Variants in RBFOX1 observed in about 807,000 individuals in gnomAD.
RBFOX1 encodes the protein RNA binding fox-1 homolog 1.
RBFOX1 carries 8 observed loss-of-function variants against 57.7 expected under a neutral mutation model. The observed-to-expected ratio is 0.14, with a 90% CI of 0.08 to 0.25. The LOEUF is 0.25. Ranked by LOEUF, RBFOX1 falls within the 10% of genes least tolerant of loss-of-function variation. The probability of loss-of-function intolerance (pLI) is 1.00; values close to 1 mark genes in which losing one functional copy is unlikely to be tolerated. For missense variants in RBFOX1, 611 were observed against 548.5 expected, an observed-to-expected ratio of 1.11 and a Z score of -1.14; for synonymous variants, 326 against 222.4, an observed-to-expected ratio of 1.47 and a Z score of -4.15.
chr16:5,431,311 A>G (rs2067726315), intron 1 of RBFOX1, among the ~76,000 whole-genome samples: 1 of 152,244 alleles, frequency 6.6e-6, no homozygotes, highest in Non-Finnish European at 1.5e-5. Flanking sequence ...AACCGTGCAG[A>G]AATACTTGGT....
chr16:6,609,574 A>T (rs1810798927), intron 2 of RBFOX1, among the ~76,000 whole-genome samples: 1 of 151,988 alleles, frequency 6.6e-6, no homozygotes, highest in Non-Finnish European at 1.5e-5. Flanking sequence ...ATTTTTCTAA[A>T]ATCAAGGCAT....
chr16:7,367,934 C>T (rs1410300333), intron 4 of RBFOX1, among the ~76,000 whole-genome samples: 1 of 151,350 alleles, frequency 6.6e-6, no homozygotes, highest in South Asian at 2.1e-4. Flanking sequence ...CATGATCAAA[C>T]ACATCATTAG....
At chr16:5,515,610 C>A (rs72761062) in intron 2 of RBFOX1, among the ~76,000 whole-genome samples, 3,845 of 152,238 alleles carry the variant, frequency 0.025, 71 homozygotes, top group South Asian at 0.057. Flanking sequence ...AATCCTTATG[C>A]CTGATCAATT....
intron 3 of RBFOX1, among the ~76,000 whole-genome samples, chr16:6,817,574 C>A (rs906348870): frequency 6.7e-6 from 1 of 149,848 alleles, no homozygotes; most frequent in Non-Finnish European, 1.5e-5. Context: ...GATTTGGTGG[C>A]GCATGCGTGT....
At position 6,397,610 on chromosome 16, in the gene RBFOX1, G is replaced by A. The variant is rs146643430; in HGVS notation, c.-64+80553G>A. On this transcript the variant is annotated intron_variant, in intron 2 of 15. Transcript: ENST00000550418. ...ACTTAAAGAGATGAATGAAGAGCAG[G>A]GAACATGGTAAATATGTGGATAATA... 1.3e-5 allele frequency among the ~76,000 whole-genome samples: 2 copies of A among 152,276 alleles called. 1 individual carries two copies. Among genetic ancestry groups the A allele is most frequent in the African/African-American group, 4.8e-5 (2 of 41,566 alleles).
chr16:7,549,757 G>A (rs1888478906), intron 5 of RBFOX1, among the ~76,000 whole-genome samples: 1 of 152,096 alleles, frequency 6.6e-6, no homozygotes, highest in Non-Finnish European at 1.5e-5. Context: ...GCTGACCACT[G>A]ATTAGATTTG....
At chr16:7,010,670 T>A (rs377197317) in intron 3 of RBFOX1, among the ~76,000 whole-genome samples, 2 of 152,040 alleles carry the variant, frequency 1.3e-5, no homozygotes, top group South Asian at 2.1e-4. Flanking sequence ...TTCAAGAGAT[T>A]CTCCTGCCTC....
At chr16:5,426,253 G>A (rs2067555201) in intron 1 of RBFOX1, among the ~76,000 whole-genome samples, 2 of 152,148 alleles carry the variant, frequency 1.3e-5, no homozygotes, top group African/African-American at 4.8e-5. Context: ...GAAGGAGCTG[G>A]CAGAGACCCA....
chr16:5,728,343 C>T (rs922607408), intron 3 of RBFOX1, among the ~76,000 whole-genome samples: 1 of 152,148 alleles, frequency 6.6e-6, no homozygotes, highest in South Asian at 2.1e-4. Flanking sequence ...TCCCTATTGT[C>T]AAAAGCTCTT....
intron 4 of RBFOX1, among the ~76,000 whole-genome samples, chr16:5,932,482 A>G (rs2059081614): frequency 6.6e-6 from 1 of 152,220 alleles, no homozygotes; most frequent in African/African-American, 2.4e-5. Flanking sequence ...GACTCTAAGC[A>G]GACAGAGACC....
intron 3 of RBFOX1, among the ~76,000 whole-genome samples, chr16:6,916,305 C>T (rs1209239165): frequency 6.6e-6 from 1 of 152,088 alleles, no homozygotes; most frequent in Non-Finnish European, 1.5e-5. Flanking sequence ...GTTTGTTCAT[C>T]CGTTGATGGA....
chr16:6,952,740 A>T (rs2081021347), intron 3 of RBFOX1, among the ~76,000 whole-genome samples: 1 of 152,076 alleles, frequency 6.6e-6, no homozygotes, highest in African/African-American at 2.4e-5. Context: ...CACTTTGGGA[A>T]TCTGAAGCGG....
At chr16:5,954,235 G>C (rs1477556240) in intron 4 of RBFOX1, among the ~76,000 whole-genome samples, 3 of 152,172 alleles carry the variant, frequency 2.0e-5, no homozygotes, top group Non-Finnish European at 4.4e-5. Context: ...TCTCATGGAT[G>C]GAGGGGCTTC....
Position 6,523,570 on chromosome 16 carries a change from C to G in RBFOX1, c.-63-131033C>G, listed in dbSNP as rs542415493. 2.0e-5 allele frequency among the ~76,000 whole-genome samples: 3 copies of G among 152,222 alleles called. No homozygotes were observed. In the South Asian group the frequency reaches 6.2e-4, roughly 32 times the overall value. ...CGCTACTTACCCTTTTTTGACCTTG[C>G]CTTTCAGTCTGTATTATGAGTGCAT... On this transcript the variant is annotated intron_variant, in intron 2 of 15. Transcript: ENST00000550418.
chr16:5,626,797 C>G (rs796787928), intron 3 of RBFOX1, among the ~76,000 whole-genome samples: 1 of 152,114 alleles, frequency 6.6e-6, no homozygotes, highest in Non-Finnish European at 1.5e-5. Context: ...GCTCAACTCT[C>G]TTGCTTTCCT....
chr16:5,894,921 G>A (rs2152158829), intron 4 of RBFOX1, among the ~76,000 whole-genome samples: 1 of 152,244 alleles, frequency 6.6e-6, no homozygotes, highest in East Asian at 1.9e-4. Context: ...TACTCTGGAG[G>A]CTGAGGCAGG....
At chr16:5,762,462 C>G (rs750067129) in intron 3 of RBFOX1, among the ~76,000 whole-genome samples, 8 of 151,950 alleles carry the variant, frequency 5.3e-5, no homozygotes, top group Admixed American at 1.3e-4. Flanking sequence ...GTGGAACAAC[C>G]TTTTGTGGGG....
chr16:6,517,393 C>T (rs1476849189), intron 2 of RBFOX1, among the ~76,000 whole-genome samples: 1 of 152,116 alleles, frequency 6.6e-6, no homozygotes, highest in East Asian at 1.9e-4. Context: ...TAATCTTAGG[C>T]ATGACAGTTT....
chr16:6,460,466 A>T (rs1370432417), intron 2 of RBFOX1, among the ~76,000 whole-genome samples: 1 of 152,154 alleles, frequency 6.6e-6, no homozygotes, highest in Non-Finnish European at 1.5e-5. Context: ...TCAAAAAAAA[A>T]ACATACATGC....
Sources: allele counts gnomAD v4.1 joint callset (sites outside exome capture counted in the v4.1 genomes callset), GRCh38; gene constraint gnomAD v4.1.1; transcripts MANE v1.5; gene names NCBI Gene and HGNC (gene_info 2026-07-23, HGNC 2026-07-21).